The following NRCAM variants were observed in gnomAD, a reference collection of about 807,000 sequenced individuals.
The protein encoded by NRCAM is neuronal cell adhesion molecule.
Under a neutral mutation model 156.5 loss-of-function variants are expected in NRCAM, and 83 were observed. The ratio of observed to expected loss-of-function variants is 0.53; its 90% CI spans 0.44 to 0.64. The LOEUF is 0.64. Among genes scored for constraint, NRCAM ranks in the 30% least tolerant of loss-of-function variants. The probability of loss-of-function intolerance (pLI) is 0.00; values close to 1 mark genes in which losing one functional copy is unlikely to be tolerated. For missense variants in NRCAM, 1,417 were observed against 1,597.3 expected (o/e 0.89, Z 1.92); for synonymous variants, 538 against 563.9 (o/e 0.95, Z 0.65).
rs1469378070 is a variant in NRCAM at position 108,436,340 on chromosome 7, T to C, written c.-332+19903A>G. Among the ~76,000 whole-genome samples, 5 of 152,208 alleles carry C rather than the reference T, an allele frequency of 3.3e-5. No individual in the cohort carries two copies. The East Asian group carries it at 9.6e-4, about 29-fold the overall frequency. ...AAGAAACAAACAAATGTGACATAAA[T>C]GAGAGAATTTTGATATTGATTAGAT... On this transcript the variant is annotated intron_variant, in intron 1 of 32. Transcript: ENST00000379028.
At chr7:108,400,256 A>G (rs971304841) in intron 1 of NRCAM, among the ~76,000 whole-genome samples, 4 of 152,266 alleles carry the variant, frequency 2.6e-5, no homozygotes, top group Non-Finnish European at 5.9e-5. Flanking sequence ...TTTATTACAT[A>G]TCTCACTTTT....
intron 20 of NRCAM, among the ~76,000 whole-genome samples, chr7:108,187,841 G>A (rs1349195517): frequency 6.6e-6 from 1 of 152,056 alleles, no homozygotes; most frequent in Non-Finnish European, 1.5e-5. Flanking sequence ...TGTAGTCCCA[G>A]CTACTCGGGA....
intron 26 of NRCAM, 130 bp from the exon 27 acceptor site, chr7:108,176,736 C>A (rs546214847): frequency 1.5e-6 from 1 of 664,184 alleles, no homozygotes; most frequent in South Asian, 2.0e-5. Flanking sequence ...CTCACTCTTT[C>A]CCCAGCATAA....
intron 30 of NRCAM, among the ~76,000 whole-genome samples, chr7:108,165,874 A>G (rs1485522039): frequency 2.6e-5 from 4 of 152,250 alleles, no homozygotes; most frequent in Admixed American, 6.5e-5. Context: ...TTAAGAATGC[A>G]TGGAGTGAAT....
chr7:108,313,796 C>T (rs1374838364), intron 2 of NRCAM, among the ~76,000 whole-genome samples: 2 of 151,958 alleles, frequency 1.3e-5, no homozygotes, highest in Non-Finnish European at 2.9e-5. Flanking sequence ...ATTGTTTTCA[C>T]TTTTTAAAAA....
intron 22 of NRCAM, among the ~76,000 whole-genome samples, chr7:108,183,595 G>A (rs2064857921): frequency 6.6e-6 from 1 of 151,380 alleles, no homozygotes; most frequent in African/African-American, 2.4e-5. Flanking sequence ...GGAGTGCAGT[G>A]GTGTAATCTC....
chr7:108,436,100 C>G (rs1831838665), intron 1 of NRCAM, among the ~76,000 whole-genome samples: 1 of 152,236 alleles, frequency 6.6e-6, no homozygotes, highest in Non-Finnish European at 1.5e-5. Flanking sequence ...CGCCACTGCA[C>G]TCCAGCCTGG....
chr7:108,330,623 T>C (rs1331463399), intron 2 of NRCAM, among the ~76,000 whole-genome samples: 2 of 152,054 alleles, frequency 1.3e-5, no homozygotes, highest in African/African-American at 4.8e-5. Flanking sequence ...GAATCTGTCA[T>C]TTTACGACAA....
rs1212418310 is a variant in NRCAM at position 108,148,932 on chromosome 7, C to G, written c.*978G>C. The stretch of plus-strand genomic sequence containing the variant: ...CTGTCTTATTTTTATTTTCATGTTT[C>G]CTTCTTTTCCCAGCATTGCAGTTTT... On this transcript the variant is annotated 3_prime_UTR_variant, in exon 33 of 33. Transcript: ENST00000379028. 1 of 152,486 alleles carries G rather than the reference C, an allele frequency of 6.6e-6. No homozygotes were observed. Among genetic ancestry groups the G allele is most frequent in the Non-Finnish European group, 1.5e-5 (1 of 68,016 alleles). 9.4% of individuals were successfully genotyped at this position (152,486 alleles called of 1,614,324 possible).
At chr7:108,309,811 C>T (rs10266021) in intron 3 of NRCAM, among the ~76,000 whole-genome samples, 34,717 of 152,020 alleles carry the variant, frequency 0.23, 4,283 homozygotes, top group African/African-American at 0.28. Flanking sequence ...GAGCAGAGAT[C>T]GCGCCATTGC....
intron 11 of NRCAM, among the ~76,000 whole-genome samples, chr7:108,211,554 G>T (rs942277457): frequency 6.6e-6 from 1 of 152,310 alleles, no homozygotes; most frequent in Admixed American, 6.5e-5. Context: ...GGCACTGTGG[G>T]AGTGAGACTG....
intron 2 of NRCAM, among the ~76,000 whole-genome samples, chr7:108,342,007 C>T (rs1412662111): frequency 6.6e-6 from 1 of 152,176 alleles, no homozygotes; most frequent in Non-Finnish European, 1.5e-5. Context: ...TACATCCTGA[C>T]TCTCGATTCT....
At position 108,310,886 on chromosome 7, in the gene NRCAM, A is replaced by G. The variant is rs558783760; in HGVS notation, c.-107+1779T>C. ...CCAGAAAGACCAACAAGAAGTGTGT[A>G]TTGAGAAAAGAAGAATCGAGCCTTT... On this transcript the variant is annotated intron_variant, in intron 3 of 32. Coordinates refer to ENST00000379028, the MANE Select transcript of NRCAM (RefSeq NM_001037132.4). Among the ~76,000 whole-genome samples, 3 of 152,340 alleles carry G rather than the reference A, an allele frequency of 2.0e-5. No individual in the cohort carries two copies. In the South Asian group the frequency reaches 6.2e-4, roughly 32 times the overall value.
intron 2 of NRCAM, among the ~76,000 whole-genome samples, chr7:108,334,051 GA>G (rs2099153924): frequency 6.6e-6 from 1 of 152,108 alleles, no homozygotes; most frequent in South Asian, 2.1e-4. Flanking sequence ...ACAATATTCA[GA>G]ATTGTAATTT....
intron 2 of NRCAM, among the ~76,000 whole-genome samples, chr7:108,367,957 T>C (rs2099602038): frequency 6.6e-6 from 1 of 152,192 alleles, no homozygotes; most frequent in Admixed American, 6.5e-5. Context: ...AGGTTAAGTT[T>C]TGTTCGTGTT....
intron 3 of NRCAM, among the ~76,000 whole-genome samples, chr7:108,274,375 G>A (rs906573522): frequency 6.6e-6 from 1 of 152,200 alleles, no homozygotes; most frequent in Non-Finnish European, 1.5e-5. Flanking sequence ...CCATGAGCAT[G>A]GCATGTTTTT....
intron 5 of NRCAM, among the ~76,000 whole-genome samples, chr7:108,235,521 T>C (rs1339460941): frequency 6.6e-6 from 1 of 152,160 alleles, no homozygotes; most frequent in Non-Finnish European, 1.5e-5. Context: ...TTTTTCTTAC[T>C]CAGTGCAGCA....
At chr7:108,150,633 A>G in intron 32 of NRCAM, 2 of 506,468 alleles carry the variant, frequency 3.9e-6, no homozygotes, top group South Asian at 3.1e-5. Flanking sequence ...AGGAGAAGCA[A>G]AATCCTGCAT....
At chr7:108,368,141 AT>A (rs1476883661) in intron 2 of NRCAM, among the ~76,000 whole-genome samples, 11 of 151,320 alleles carry the variant, frequency 7.3e-5, no homozygotes, top group African/African-American at 2.4e-4. Context: ...CAGGTTTCTG[AT>A]GTTCTGCCTA....
Sources: gnomAD v4.1 joint callset for allele counts (sites outside exome capture counted in the v4.1 genomes callset) on GRCh38, gnomAD v4.1.1 for gene constraint, MANE v1.5 for transcripts, NCBI Gene and HGNC (gene_info 2026-07-23, HGNC 2026-07-21) for gene names.